ATPAF1: variants seen among roughly 807,000 people sequenced by gnomAD.
The protein encoded by ATPAF1 is ATP synthase mitochondrial F1 complex assembly factor 1.
A neutral mutation model predicts 43.9 loss-of-function variants in ATPAF1; 26 were observed. The observed-to-expected ratio is 0.59, with a 90% CI of 0.43 to 0.82. ATPAF1 has a LOEUF of 0.82. Among genes scored for constraint, ATPAF1 ranks in the 40% least tolerant of loss-of-function variants. The pLI, the probability that ATPAF1 is intolerant of heterozygous loss-of-function variation, is 0.00. For synonymous variants in ATPAF1, 157 were observed against 168.0 expected (o/e 0.93, Z 0.50); for missense variants, 366 against 435.0 (o/e 0.84, Z 1.41).
rs575240742 is a variant in ATPAF1 at position 46,637,202 on chromosome 1, G to A, written c.793-1232C>T. Among the ~76,000 whole-genome samples the A allele has an allele frequency of 2.6e-5, 4 of 152,250 alleles. No individual in the cohort carries two copies. In the South Asian group the frequency reaches 8.3e-4, roughly 32 times the overall value. On this transcript the variant is annotated intron_variant, in intron 8 of 8. Transcript: ENST00000574428. Reference sequence around the variant, plus strand: ...AGCAATAGCAGAGAAATGGTGAGCAGGCCACCCTACATGACAGAGGCAGAG... The same window carrying A: ...AGCAATAGCAGAGAAATGGTGAGCAAGCCACCCTACATGACAGAGGCAGAG...
At chr1:46,644,565 G>GT (rs112696094) in intron 7 of ATPAF1, among the ~76,000 whole-genome samples, 38,975 of 151,980 alleles carry the variant, frequency 0.26, 5,205 homozygotes, top group East Asian at 0.35. Context: ...ATTCGTGCTT[G>GT]TTTTTTGCCA....
chr1:46,661,397 T>G (rs142407008), intron 2 of ATPAF1, among the ~76,000 whole-genome samples: 141 of 152,304 alleles, frequency 9.3e-4, no homozygotes, highest in Middle Eastern at 3.4e-3. Flanking sequence ...TTTATAATTA[T>G]CAACATAACA....
Position 46,658,644 on chromosome 1 carries a change from T to A in ATPAF1, c.426+43A>T, listed in dbSNP as rs368819472. 3.3e-6 allele frequency: 5 copies of A among 1,496,190 alleles called. No homozygotes were observed. The African/African-American group carries it at 5.7e-5, about 17-fold the overall frequency. The allele number at this position is 1,496,190 out of a possible 1,614,324, so 92.7% of individuals were successfully genotyped here. On this transcript the variant is annotated intron_variant, in intron 3 of 8. Coordinates refer to ENST00000574428, the Ensembl canonical transcript of ATPAF1. Reference sequence around the variant, plus strand: ...GCAGCCTCTTGTTCTAGATGTCCCATATGACTTCAAGCTTTTTTTCCTATA... The same window carrying A: ...GCAGCCTCTTGTTCTAGATGTCCCAAATGACTTCAAGCTTTTTTTCCTATA...
At chr1:46,652,674 C>A (rs771214515) in intron 5 of ATPAF1, 46 bp from the exon 6 acceptor site, 1 of 1,501,496 alleles carries the variant, frequency 6.7e-7, no homozygotes, top group Non-Finnish European at 9.2e-7. Context: ...TAGTAAAACA[C>A]AAAAGGCCAC....
intron 2 of ATPAF1, among the ~76,000 whole-genome samples, chr1:46,664,081 T>C (rs1046501011): frequency 4.6e-5 from 7 of 152,210 alleles, no homozygotes; most frequent in African/African-American, 1.7e-4. Flanking sequence ...GTTACAATCA[T>C]ATACCTACAT....
rs914141100 is a variant in ATPAF1, at chr1:46,653,088, C to A, written c.541-460G>T. On this transcript the variant is annotated intron_variant, in intron 5 of 8. Transcript: ENST00000574428. The surrounding 1 kb of genome is among the most constrained non-coding windows in gnomAD (Gnocchi z 4.8). ...CACCAAAAGGCCTGGCTTTATCCTT[C>A]CATCTATATGTTTTCCTCCTTAATC... Among the ~76,000 whole-genome samples, 3 of 152,146 alleles carry A rather than the reference C, an allele frequency of 2.0e-5. No individual in the cohort carries two copies. The highest frequency in any genetic ancestry group is 4.4e-5 in the Non-Finnish European group (3 of 68,012).
At chr1:46,662,111 G>A (rs544331490) in intron 2 of ATPAF1, among the ~76,000 whole-genome samples, 1 of 151,906 alleles carries the variant, frequency 6.6e-6, no homozygotes, top group East Asian at 1.9e-4. Flanking sequence ...AGCCAGGATG[G>A]TCTCAATCTC....
Position 46,658,753 on chromosome 1 carries a change from CAAGAT to C in ATPAF1, c.376-21_376-17del. On this transcript the variant is annotated splice_polypyrimidine_tract_variant and intron_variant, in intron 2 of 8. Transcript: ENST00000574428. ...AGGCATCTGTCTGAAATATATAAGA[CAAGAT>C]ATTAATCTACACTTTACTCATAAGA... is the stretch of plus-strand genomic sequence containing the variant. 1 of 1,566,180 alleles carries C rather than the reference CAAGAT, an allele frequency of 6.4e-7. No individual in the cohort carries two copies. The highest frequency in any genetic ancestry group is 1.2e-5 in the South Asian group (1 of 85,124).
chr1:46,638,842 T>C (rs1675893712), intron 8 of ATPAF1, among the ~76,000 whole-genome samples: 1 of 152,132 alleles, frequency 6.6e-6, no homozygotes, highest in Non-Finnish European at 1.5e-5. Context: ...TTCCCTGTGC[T>C]GCTCAATAAA....
At chr1:46,641,303 T>A (rs1240690253) in intron 8 of ATPAF1, among the ~76,000 whole-genome samples, 1 of 152,064 alleles carries the variant, frequency 6.6e-6, no homozygotes, top group Non-Finnish European at 1.5e-5. Context: ...GGTCTCAAAC[T>A]CCTGAGCTCA....
At position 46,653,513 on chromosome 1, in the gene ATPAF1, ACAT is replaced by A. The variant is rs1371308948; in HGVS notation, c.540+301_540+303del. On this transcript the variant is annotated intron_variant, in intron 5 of 8. Coordinates refer to ENST00000574428, the Ensembl canonical transcript of ATPAF1. The surrounding 1 kb of genome is among the most constrained non-coding windows in gnomAD (Gnocchi z 4.8). ...TAAATTCCAACAGCTTGGTTGGAAA[ACAT>A]CAGTAAGAAAAAAAAGACATCTGGA... Among the ~76,000 whole-genome samples, 1 of 152,162 alleles carries A rather than the reference ACAT, an allele frequency of 6.6e-6. No homozygotes were observed. The highest frequency in any genetic ancestry group is 1.5e-5 in the Non-Finnish European group (1 of 68,028).
intron 1 of ATPAF1, 88 bp downstream of exon 1, chr1:46,667,969 C>T (rs1341662312): frequency 2.8e-6 from 3 of 1,088,096 alleles, no homozygotes; most frequent in Non-Finnish European, 3.6e-6. Context: ...GTACTAGTGC[C>T]CACCTCACAG....
downstream of ATPAF1, chr1:46,633,694 G>A (rs1284588902): frequency 2.2e-6 from 1 of 455,762 alleles, no homozygotes; most frequent in Non-Finnish European, 4.4e-6. Context: ...ATCCTACTTG[G>A]CAGTTGGGGA....
intron 6 of ATPAF1, 142 bp from the exon 7 acceptor site, chr1:46,645,398 C>T: frequency 1.5e-6 from 1 of 671,658 alleles, no homozygotes; most frequent in Non-Finnish European, 2.5e-6. Flanking sequence ...GGTTCTCGCT[C>T]TGTTGTCCAG....
intron 4 of ATPAF1, among the ~76,000 whole-genome samples, chr1:46,656,716 C>T (rs927486678): frequency 1.3e-5 from 2 of 152,134 alleles, no homozygotes; most frequent in African/African-American, 4.8e-5. Flanking sequence ...TATGATCAGG[C>T]CTCCTGGGCC....
At chr1:46,666,975 C>T (rs1054135639) in intron 1 of ATPAF1, among the ~76,000 whole-genome samples, 4 of 152,156 alleles carry the variant, frequency 2.6e-5, no homozygotes, top group Admixed American at 6.5e-5. Context: ...TACAGATCAA[C>T]GAGAGAAGCC....
downstream of ATPAF1, chr1:46,633,012 A>G (rs1426124687): frequency 6.5e-6 from 1 of 152,700 alleles, no homozygotes; most frequent in Non-Finnish European, 1.5e-5. Context: ...TTTTGTAAAG[A>G]ATAGATAAGG....
intron 8 of ATPAF1, among the ~76,000 whole-genome samples, chr1:46,642,931 T>A (rs1675975515): frequency 1.3e-5 from 2 of 152,192 alleles, no homozygotes; most frequent in Non-Finnish European, 2.9e-5. Context: ...CAAGTTTACA[T>A]AAGGTTTTGT....
At chr1:46,668,453 G>C (rs1676535460), upstream of ATPAF1, 1 of 1,132,416 alleles carries the variant, frequency 8.8e-7, no homozygotes, top group Admixed American at 4.8e-5. The surrounding 1 kb of genome is among the most constrained non-coding windows in gnomAD (Gnocchi z 4.4). Context: ...CAAGGTTCCG[G>C]GCGCGGGATA....
Sources: gnomAD v4.1 joint callset for allele counts (sites outside exome capture counted in the v4.1 genomes callset) on GRCh38, gnomAD v4.1.1 for gene constraint, Gnocchi (gnomAD v3.1) non-coding constraint, MANE v1.5 for transcripts, NCBI Gene and HGNC (gene_info 2026-07-23, HGNC 2026-07-21) for gene names.